The following NUP50 variants were observed in gnomAD, a reference collection of about 807,000 sequenced individuals.
NUP50 encodes the protein nucleoporin 50.
NUP50 carries 14 observed loss-of-function variants against 36.8 expected under a neutral mutation model. The ratio of observed to expected loss-of-function variants is 0.38; its 90% CI spans 0.25 to 0.59. The LOEUF (loss-of-function observed/expected upper bound fraction) is 0.59. Ranked by LOEUF, NUP50 falls within the 20% of genes least tolerant of loss-of-function variation. The probability of loss-of-function intolerance (pLI) is 0.63; values close to 1 mark genes in which losing one functional copy is unlikely to be tolerated. For missense variants in NUP50, 455 were observed against 564.6 expected (o/e 0.81, Z 1.97); for synonymous variants, 195 against 210.8 (o/e 0.93, Z 0.65).
rs534493773 is a variant in NUP50, at chr22:45,184,796, G to C, written c.*141G>C. 1.8e-5 allele frequency: 12 copies of C among 662,206 alleles called. No homozygotes were observed. The African/African-American group carries it at 2.0e-4, about 11-fold the overall frequency. 41.0% of individuals were successfully genotyped at this position (662,206 alleles called of 1,614,324 possible). Reference sequence around the variant, plus strand: ...AACTTTTGTGAGGAAGATTAATGTGGCCAATAAAACCTTTAAATGTTAAGT... The same window carrying C: ...AACTTTTGTGAGGAAGATTAATGTGCCCAATAAAACCTTTAAATGTTAAGT... On this transcript the variant is annotated 3_prime_UTR_variant, in exon 8 of 8. Coordinates refer to ENST00000347635, the MANE Select transcript of NUP50 (RefSeq NM_007172.4).
At chr22:45,172,809 G>C (rs2074216791) in intron 3 of NUP50, among the ~76,000 whole-genome samples, 2 of 152,180 alleles carry the variant, frequency 1.3e-5, no homozygotes, top group African/African-American at 4.8e-5. Context: ...GTCACTCAGA[G>C]CGTCTCATAA....
chr22:45,181,135 T>TCC (rs59393346), intron 5 of NUP50, 151 bp from the exon 6 acceptor site: 87 of 109,400 alleles, frequency 8.0e-4, no homozygotes, highest in African/African-American at 3.2e-3. Context: ...CCTTCTGGCA[T>TCC]CCCCCCCCCC....
intron 6 of NUP50, among the ~76,000 whole-genome samples, chr22:45,181,702 C>T (rs1168960215): frequency 6.6e-6 from 1 of 152,152 alleles, no homozygotes; most frequent in African/African-American, 2.4e-5. Context: ...CCTTCCTCCT[C>T]CCCAACAAAG....
At chr22:45,169,437 A>C (rs132868) in intron 2 of NUP50, among the ~76,000 whole-genome samples, 31,019 of 152,132 alleles carry the variant, frequency 0.2, 3,724 homozygotes, top group East Asian at 0.57. Context: ...GTGCCGAGGC[A>C]AGAGACTGAA....
intron 2 of NUP50, among the ~76,000 whole-genome samples, chr22:45,170,685 G>A (rs2074177606): frequency 6.6e-6 from 1 of 151,980 alleles, no homozygotes; most frequent in African/African-American, 2.4e-5. Context: ...GGGGGTTTTT[G>A]GTTTTTTGTT....
At chr22:45,183,359 T>A (rs1006271665) in intron 6 of NUP50, 43 bp from the exon 7 acceptor site, 1 of 1,151,192 alleles carries the variant, frequency 8.7e-7, no homozygotes, top group Admixed American at 1.8e-5. Context: ...GTGACTTGAT[T>A]CGTCCTTGAA....
chr22:45,175,851 GA>G, intron 3 of NUP50, 42 bp from the exon 4 acceptor site: 1 of 1,598,166 alleles, frequency 6.3e-7, no homozygotes, highest in Non-Finnish European at 8.5e-7. Context: ...TTTGGTAATA[GA>G]AAGTACACTT....
At chr22:45,175,067 C>T (rs2074256320) in intron 3 of NUP50, among the ~76,000 whole-genome samples, 1 of 151,788 alleles carries the variant, frequency 6.6e-6, no homozygotes, top group Admixed American at 6.6e-5. Flanking sequence ...CAGATCACTT[C>T]CTATAATGTA....
At chr22:45,180,547 T>A (rs2074351139) in intron 5 of NUP50, among the ~76,000 whole-genome samples, 1 of 152,166 alleles carries the variant, frequency 6.6e-6, no homozygotes, top group South Asian at 2.1e-4. Flanking sequence ...TTAACTTTTT[T>A]ATTTTTTGTA....
At chr22:45,172,934 G>A (rs1394543641) in intron 3 of NUP50, among the ~76,000 whole-genome samples, 2 of 152,160 alleles carry the variant, frequency 1.3e-5, no homozygotes, top group Non-Finnish European at 2.9e-5. Flanking sequence ...GCAGAGATAC[G>A]TAATCCTACA....
chr22:45,171,193 C>A (rs1410673884), intron 2 of NUP50: 6 of 1,141,642 alleles, frequency 5.3e-6, no homozygotes, highest in Non-Finnish European at 6.6e-6. Context: ...TTATAAATAA[C>A]AAAATTTATT....
rs2074312293 is a variant in NUP50 at position 45,178,472 on chromosome 22, A to G, written c.575A>G (p.Lys192Arg). The change falls in exon 5 of 8, where the codon AAA (lysine) becomes AGA (arginine). Residue 192 changes from lysine to arginine, a missense_variant. Around this residue, in one of 3 missense-constraint regions of NUP50, gnomAD observed 287 missense variants for 345.5 expected, o/e 0.83. Coordinates refer to ENST00000347635, the MANE Select transcript of NUP50 (RefSeq NM_007172.4). ...ACACCTATCTTTAAAGACTATGAGA[A>G]ATATTTAGCAAACATTGAACAGCAA... The part of the protein sequence containing the change: ...DLTPIFKDYE[K>R]YLANIEQQHG... 2 of 1,613,002 alleles carry G rather than the reference A, an allele frequency of 1.2e-6. No individual in the cohort carries two copies. Among genetic ancestry groups the G allele is most frequent in the Non-Finnish European group, 1.7e-6 (2 of 1,179,870 alleles).
At chr22:45,178,953 TG>T in intron 5 of NUP50, 53 bp downstream of exon 5, 1 of 1,521,814 alleles carries the variant, frequency 6.6e-7, no homozygotes, top group South Asian at 1.3e-5. Context: ...TCTTGTTTCT[TG>T]GGAAACCCAG....
chr22:45,175,865 C>T (rs1204742720), intron 3 of NUP50, 29 bp from the exon 4 acceptor site: 1 of 1,610,224 alleles, frequency 6.2e-7, no homozygotes, highest in South Asian at 1.1e-5. Context: ...GTACACTTAC[C>T]TAATGTGTGC....
rs199626697 is a variant in NUP50 at position 45,178,807 on chromosome 22, G to A, written c.910G>A (p.Gly304Ser). 14 of 1,613,936 alleles carry A rather than the reference G, an allele frequency of 8.7e-6. No homozygotes were observed. Among genetic ancestry groups the A allele is most frequent in the Non-Finnish European group, 1.2e-5 (14 of 1,179,948 alleles). ...SFSPGNSSLF[G>S]KDTTQSKPVS... ...CTCCCCTGGAAACTCCAGTTTATTT[G>A]GCAAAGATACTACCCAGAGTAAACC... Residue 304 changes from glycine to serine, a missense_variant, in exon 5 of 8, where the codon GGC (glycine) becomes AGC (serine). Transcript: ENST00000347635.
intron 1 of NUP50, chr22:45,164,837 CT>C (rs1159051353): frequency 6.5e-6 from 1 of 152,960 alleles, no homozygotes; most frequent in Non-Finnish European, 1.5e-5. Flanking sequence ...TCCTCTCCCC[CT>C]GGCCGCCCCT....
rs1007879754 is a variant in NUP50 at position 45,185,819 on chromosome 22, T to A, written c.*1164T>A. The A allele has an allele frequency of 4.0e-5, 6 of 151,698 alleles. No individual in the cohort carries two copies. The highest frequency in any genetic ancestry group is 1.2e-4 in the African/African-American group (5 of 41,178). The allele number at this position is 151,698 out of a possible 1,614,324, so 9.4% of individuals were successfully genotyped here. A position where few individuals can be genotyped will look rare whatever the true frequency, so the allele number is the denominator to read the frequency against. Reference sequence around the variant, plus strand: ...ACTAACACGAGCATTCTTTGAAGACTCTGGGCACATGAATGATACACAGAA... The same window carrying A: ...ACTAACACGAGCATTCTTTGAAGACACTGGGCACATGAATGATACACAGAA... On this transcript the variant is annotated 3_prime_UTR_variant, in exon 8 of 8. Coordinates refer to ENST00000347635, the MANE Select transcript of NUP50 (RefSeq NM_007172.4).
At chr22:45,170,193 A>G (rs771984128) in intron 2 of NUP50, among the ~76,000 whole-genome samples, 15 of 151,592 alleles carry the variant, frequency 9.9e-5, no homozygotes, top group African/African-American at 1.9e-4. Flanking sequence ...CTTGTATGCA[A>G]TAAATATCAG....
intron 6 of NUP50, among the ~76,000 whole-genome samples, chr22:45,181,634 C>CCCCAT (rs1021119241): frequency 3.3e-5 from 5 of 152,224 alleles, no homozygotes; most frequent in South Asian, 4.2e-4. Flanking sequence ...ATCTTCCCAA[C>CCCCAT]CCCATCCCAT....
Sources: gnomAD v4.1 joint callset for allele counts (sites outside exome capture counted in the v4.1 genomes callset) on GRCh38, gnomAD v4.1.1 for gene constraint, gnomAD v4.1.1 regional missense constraint, MANE v1.5 for transcripts, NCBI Gene and HGNC (gene_info 2026-07-23, HGNC 2026-07-21) for gene names.